The following MMAA variants were observed in gnomAD, a reference collection of about 807,000 sequenced individuals.
MMAA encodes the protein metabolism of cobalamin associated A.
In MMAA, 41 loss-of-function variants were observed where a neutral mutation model predicts 45.0. The observed-to-expected ratio is 0.91, with a 90% confidence interval of 0.71 to 1.18. The LOEUF is 1.18. MMAA is among the 50% of genes most tolerant of loss of function. MMAA has a pLI of 0.00. For synonymous variants in MMAA, 154 were observed against 178.2 expected (o/e 0.86, Z 1.08); for missense variants, 460 against 495.7 (o/e 0.93, Z 0.68).
At chr4:145,629,702 G>A (rs1332331984) in intron 1 of MMAA, among the ~76,000 whole-genome samples, 1 of 152,206 alleles carries the variant, frequency 6.6e-6, no homozygotes, top group Non-Finnish European at 1.5e-5. Flanking sequence ...AGGCTTCACA[G>A]TCATGGCGGA....
In MMAA at chr4:145,645,987, A is replaced by T. The variant is rs1727918663; in HGVS notation, c.564A>T (p.Gly188=). 4 of 1,613,942 alleles carry T rather than the reference A, an allele frequency of 2.5e-6. No homozygotes were observed. The highest frequency in any genetic ancestry group is 3.4e-6 in the Non-Finnish European group (4 of 1,179,872). ...AVDPSSCTSG[G]SLLGDKTRMT... is the part of the protein sequence containing the mutation. ...ATAAAATGTAACTGTATGTTTTAGG[A>T]TCACTCTTAGGTGATAAAACCCGAA... Residue 188 remains glycine, a splice_region_variant and synonymous_variant, in exon 4 of 7, where the codon GGA becomes GGT. Coordinates refer to ENST00000649156, the MANE Select transcript of MMAA (RefSeq NM_172250.3).
intron 1 of MMAA, among the ~76,000 whole-genome samples, chr4:145,636,010 CT>C (rs764856150): frequency 2.0e-5 from 3 of 152,304 alleles, no homozygotes; most frequent in Non-Finnish European, 2.9e-5. Context: ...TCTCAGTGTT[CT>C]TTCCCCCTTC....
At chr4:145,639,644 A>T (rs1477448174) in intron 2 of MMAA, 66 bp downstream of exon 2, 3 of 1,538,946 alleles carry the variant, frequency 1.9e-6, no homozygotes, top group Admixed American at 2.1e-5. Flanking sequence ...TGTTTTTTAA[A>T]AAAAAGTCTA....
In MMAA at chr4:145,650,508, C is replaced by T. The variant is rs149874515; in HGVS notation, c.734-554C>T. The T allele has an allele frequency of 5.8e-3, 936 of 160,708 alleles. 11 individuals carry two copies. The highest frequency in any genetic ancestry group is 0.021 in the African/African-American group (866 of 41,586). 10.0% of individuals were successfully genotyped at this position (160,708 alleles called of 1,614,324 possible). On this transcript the variant is annotated intron_variant, in intron 4 of 6. Transcript: ENST00000649156. ...ATAATAGCTGCTGTGGGAAATGGAACGGAAGCCAACCGAGGGCATTTAGGG... is the reference window on the plus strand; with the variant it reads ...ATAATAGCTGCTGTGGGAAATGGAATGGAAGCCAACCGAGGGCATTTAGGG...
chr4:145,637,825 T>C (rs1168145767), intron 1 of MMAA, among the ~76,000 whole-genome samples: 1 of 152,206 alleles, frequency 6.6e-6, no homozygotes, highest in African/African-American at 2.4e-5. Context: ...GTAGACACTG[T>C]TCTAAGCTTT....
At chr4:145,650,272 G>A (rs952478613) in intron 4 of MMAA, 1 of 152,244 alleles carries the variant, frequency 6.6e-6, no homozygotes, top group Non-Finnish European at 1.5e-5. Flanking sequence ...CCCAGAGGAA[G>A]TGGAAAGGAA....
rs548448549 is a variant in MMAA at position 145,624,319 on chromosome 4, G to A, written c.-66+4912G>A. The A allele has an allele frequency of 6.7e-4, 532 of 790,872 alleles. 1 individual carries two copies. Among genetic ancestry groups the A allele is most frequent in the Non-Finnish European group, 9.1e-4 (392 of 429,210 alleles). 49.0% of individuals were successfully genotyped at this position (790,872 alleles called of 1,614,324 possible). A position where few individuals can be genotyped will look rare whatever the true frequency, so the allele number is the denominator to read the frequency against. The stretch of plus-strand genomic sequence containing the variant: ...AAGTAATACTTCTAGGTCTTCTTTC[G>A]AAGCAGTCACTTGTCTTCTCCAGAG... On this transcript the variant is annotated intron_variant, in intron 1 of 6. Transcript: ENST00000649156.
chr4:145,645,951 G>A, intron 3 of MMAA, 35 bp from the exon 4 acceptor site: 1 of 1,610,350 alleles, frequency 6.2e-7, no homozygotes, highest in African/African-American at 1.3e-5. Context: ...CCGTAAAACT[G>A]TTCCATGATT....
chr4:145,620,954 C>T (rs1055630196), intron 1 of MMAA, among the ~76,000 whole-genome samples: 1 of 152,088 alleles, frequency 6.6e-6, no homozygotes, highest in East Asian at 1.9e-4. Context: ...GAACCACTGT[C>T]CTAGGGTACG....
rs749124431 is a variant in MMAA, at chr4:145,654,070, C to G, written c.896C>G (p.Ala299Gly). ...TKSDGDLIVP[A>G]RRIQAEYVSA... ...TCTGATGGAGACTTGATTGTGCCAG[C>G]TCGAAGGATACAAGCGGAATATGTG... Residue 299 changes from alanine (A) to glycine (G), a missense_variant, in exon 6 of 7, where the codon GCT becomes GGT. Coordinates refer to ENST00000649156, the MANE Select transcript of MMAA (RefSeq NM_172250.3). 3 of 1,614,136 alleles carry G rather than the reference C, an allele frequency of 1.9e-6. No individual in the cohort carries two copies. The highest frequency in any genetic ancestry group is 2.5e-6 in the Non-Finnish European group (3 of 1,180,016).
In MMAA at chr4:145,655,966, G is replaced by A. The variant is rs1024252024; in HGVS notation, c.*532G>A. On this transcript the variant is annotated 3_prime_UTR_variant, in exon 7 of 7. Transcript: ENST00000649156. ...GAAACAACTGGAATAATGTGATGAT[G>A]TGAACACAATTTTAAAGTCTGCTTG... 6.6e-6 allele frequency: 1 copy of A among 152,292 alleles called. No individual in the cohort carries two copies. The highest frequency in any genetic ancestry group is 1.5e-5 in the Non-Finnish European group (1 of 68,126). 9.4% of individuals were successfully genotyped at this position (152,292 alleles called of 1,614,324 possible). A position where few individuals can be genotyped will look rare whatever the true frequency, so the allele number is the denominator to read the frequency against.
chr4:145,632,052 A>T (rs984190983), intron 1 of MMAA, among the ~76,000 whole-genome samples: 1 of 152,206 alleles, frequency 6.6e-6, no homozygotes, highest in Non-Finnish European at 1.5e-5. Flanking sequence ...ACAGTAGTTT[A>T]TACACCACAG....
intron 2 of MMAA, among the ~76,000 whole-genome samples, chr4:145,641,254 G>A (rs1446945876): frequency 6.6e-6 from 1 of 152,202 alleles, no homozygotes; most frequent in Non-Finnish European, 1.5e-5. Context: ...TAGAGAATCT[G>A]TGAAAAAATG....
intron 1 of MMAA, among the ~76,000 whole-genome samples, chr4:145,636,943 C>T (rs982404390): frequency 3.3e-5 from 5 of 152,116 alleles, no homozygotes; most frequent in African/African-American, 1.2e-4. Context: ...GAATGTGGCC[C>T]TATTTGGAAA....
intron 1 of MMAA, among the ~76,000 whole-genome samples, chr4:145,636,635 A>T (rs545430843): frequency 6.6e-6 from 1 of 152,356 alleles, no homozygotes; most frequent in East Asian, 1.9e-4. Context: ...TTAAGTCCTC[A>T]GACTGGAAAG....
chr4:145,655,448 G>A lies in MMAA; in HGVS notation c.*14G>A, dbSNP rs1000882062. ...AGCAGAGACTAATAAAATTCATCCTGTATAATAATTTTACATATCATTTCA... is the reference window on the plus strand; with the variant it reads ...AGCAGAGACTAATAAAATTCATCCTATATAATAATTTTACATATCATTTCA... On this transcript the variant is annotated 3_prime_UTR_variant, in exon 7 of 7. Coordinates refer to ENST00000649156, the MANE Select transcript of MMAA (RefSeq NM_172250.3). 8.8e-6 allele frequency: 14 copies of A among 1,593,582 alleles called. No individual in the cohort carries two copies. The Admixed American group carries it at 1.6e-4, about 18-fold the overall frequency.
chr4:145,624,393 G>A, intron 1 of MMAA: 1 of 782,712 alleles, frequency 1.3e-6, no homozygotes, highest in South Asian at 1.4e-5. Flanking sequence ...GAGCCAGTCA[G>A]CTGTGTTAAA....
intron 4 of MMAA, chr4:145,650,857 G>T: frequency 1.7e-6 from 1 of 601,224 alleles, no homozygotes; most frequent in East Asian, 2.9e-5. Context: ...CGGAGCGGGA[G>T]AGCTGGGAAG....
intron 1 of MMAA, among the ~76,000 whole-genome samples, chr4:145,623,273 T>G (rs190423250): frequency 6.6e-6 from 1 of 152,342 alleles, no homozygotes; most frequent in Admixed American, 6.5e-5. Flanking sequence ...TTACCCAGGA[T>G]GCACCAATAA....
Sources: allele counts gnomAD v4.1 joint callset (sites outside exome capture counted in the v4.1 genomes callset), GRCh38; gene constraint gnomAD v4.1.1; transcripts MANE v1.5; gene names NCBI Gene and HGNC (gene_info 2026-07-23, HGNC 2026-07-21).